Variants in UBXN2A observed in about 807,000 individuals in gnomAD.
UBXN2A encodes UBX domain protein 2A, also known as UBX domain-containing protein 2A.
In UBXN2A, 28 loss-of-function variants were observed where a neutral mutation model predicts 28.4. The observed-to-expected ratio is 0.99, with a 90% CI of 0.73 to 1.35. The LOEUF is 1.35. Ranked by LOEUF, UBXN2A falls within the 40% of genes most tolerant of loss-of-function variation. The pLI, the probability that UBXN2A is intolerant of heterozygous loss-of-function variation, is 0.00. For synonymous variants in UBXN2A, 97 were observed against 103.6 expected (o/e 0.94, Z 0.39); for missense variants, 253 against 297.9 (o/e 0.85, Z 1.11).
chr2:23,945,488 G>T (rs1488266928), intron 1 of UBXN2A, among the ~76,000 whole-genome samples: 1 of 152,116 alleles, frequency 6.6e-6, no homozygotes, highest in Non-Finnish European at 1.5e-5. Context: ...GGTTGCTTTT[G>T]GAGGCTTGGG....
chr2:23,927,506 A>G (rs2150771006), exon 1 of UBXN2A: 1 of 152,768 alleles, frequency 6.5e-6, no homozygotes, highest in East Asian at 1.9e-4. Flanking sequence ...GGGAATCCCC[A>G]AGCTACCCGA....
intron 2 of UBXN2A, among the ~76,000 whole-genome samples, chr2:23,961,330 A>G (rs1175965760): frequency 2.0e-5 from 3 of 151,788 alleles, no homozygotes; most frequent in African/African-American, 7.3e-5. Context: ...TCCTGACCTC[A>G]GGTGATCCGC....
At chr2:23,958,899 G>A (rs1003408175) in intron 2 of UBXN2A, among the ~76,000 whole-genome samples, 3 of 152,078 alleles carry the variant, frequency 2.0e-5, no homozygotes, top group African/African-American at 7.2e-5. Flanking sequence ...AGAGTGCAGT[G>A]GTGCAATCAT....
chr2:23,934,379 A>G (rs2150785107), intron 1 of UBXN2A, among the ~76,000 whole-genome samples: 1 of 152,358 alleles, frequency 6.6e-6, no homozygotes, highest in East Asian at 1.9e-4. Flanking sequence ...TGTGTTGGAC[A>G]ATGCAGAAAC....
intron 2 of UBXN2A, among the ~76,000 whole-genome samples, chr2:23,963,485 AAG>A (rs1707028401): frequency 6.6e-6 from 1 of 151,884 alleles, no homozygotes; most frequent in African/African-American, 2.4e-5. Flanking sequence ...AAAAAAAAAA[AAG>A]AGAAAAGTGG....
At chr2:23,986,994 G>A (rs967565922) in intron 6 of UBXN2A, among the ~76,000 whole-genome samples, 1 of 151,992 alleles carries the variant, frequency 6.6e-6, no homozygotes, top group Non-Finnish European at 1.5e-5. Context: ...TCAGGAGGCT[G>A]AGGTGGGAGA....
chr2:23,932,607 C>T (rs1705404088), intron 1 of UBXN2A, among the ~76,000 whole-genome samples: 1 of 152,074 alleles, frequency 6.6e-6, no homozygotes, highest in African/African-American at 2.4e-5. Flanking sequence ...CACTGATCAA[C>T]AGGTTTACAG....
At chr2:23,944,347 T>C in intron 1 of UBXN2A, 1 of 1,572,070 alleles carries the variant, frequency 6.4e-7, no homozygotes, top group Admixed American at 1.7e-5. Flanking sequence ...CTGGCAGCTG[T>C]GTGAAGAACT....
At chr2:23,978,203 TA>T (rs1478490034) in intron 4 of UBXN2A, among the ~76,000 whole-genome samples, 2 of 152,228 alleles carry the variant, frequency 1.3e-5, no homozygotes, top group African/African-American at 2.4e-5. Flanking sequence ...TAATTTACTT[TA>T]CTAAGTATTT....
chr2:23,960,980 A>T (rs768296575), intron 2 of UBXN2A, among the ~76,000 whole-genome samples: 1 of 151,862 alleles, frequency 6.6e-6, no homozygotes, highest in Non-Finnish European at 1.5e-5. Context: ...GACATTTCAT[A>T]TAAATGCAGT....
chr2:23,965,893 C>T (rs1403708698), intron 2 of UBXN2A, among the ~76,000 whole-genome samples: 2 of 152,124 alleles, frequency 1.3e-5, no homozygotes, highest in African/African-American at 4.8e-5. Context: ...CCTTAGTATG[C>T]ATAAGCCTAT....
rs1221736980 is a variant in UBXN2A at position 23,977,044 on chromosome 2, A to G, written c.256A>G (p.Ser86Gly). The G allele has an allele frequency of 1.9e-6, 3 of 1,613,116 alleles. No homozygotes were observed. The East Asian group carries it at 6.7e-5, about 36-fold the overall frequency. Residue 86 changes from serine to glycine, a missense_variant, in exon 4 of 7, where the codon AGT becomes GGT. By Grantham distance (56) the Ser-to-Gly change is moderately conservative. Coordinates refer to ENST00000309033, the MANE Select transcript of UBXN2A (RefSeq NM_181713.4). ...TTTCAGAAGTTATTCCGATGGTGCC[A>G]GTCAGCAGTTTTTGAACTCCATCAA... ...DDFRSYSDGA[S>G]QQFLNSIKKG...
chr2:23,987,592 C>G (rs1301406046), intron 6 of UBXN2A, among the ~76,000 whole-genome samples: 3 of 151,084 alleles, frequency 2.0e-5, no homozygotes, highest in Non-Finnish European at 4.4e-5. Flanking sequence ...TCCTGGCAAG[C>G]ACGGTGAAAC....
At chr2:23,973,114 G>A (rs1457402483) in intron 3 of UBXN2A, among the ~76,000 whole-genome samples, 1 of 151,892 alleles carries the variant, frequency 6.6e-6, no homozygotes, top group African/African-American at 2.4e-5. Flanking sequence ...CTGTCTCCCA[G>A]GTTCAAGCCA....
chr2:23,967,762 G>A (rs11691864), intron 2 of UBXN2A, among the ~76,000 whole-genome samples: 7,494 of 152,222 alleles, frequency 0.049, 249 homozygotes, highest in Non-Finnish European at 0.074. Context: ...AACTATTTCT[G>A]TGTAAGAGGT....
intron 1 of UBXN2A, among the ~76,000 whole-genome samples, chr2:23,932,381 T>G (rs750297126): frequency 1.3e-5 from 2 of 151,508 alleles, no homozygotes; most frequent in Non-Finnish European, 2.9e-5. Flanking sequence ...TAAAATCTGC[T>G]AAATATATGG....
rs532199457 is a variant in UBXN2A at position 23,966,686 on chromosome 2, T to C, written c.42-4590T>C. 6.6e-3 allele frequency among the ~76,000 whole-genome samples: 954 copies of C among 145,220 alleles called. 5 individuals carry two copies. The highest frequency in any genetic ancestry group is 0.025 in the South Asian group (113 of 4,548). On this transcript the variant is annotated intron_variant, in intron 2 of 6. Transcript: ENST00000309033. ...CAGGATGGTCTCGATCTCCTGACCT[T>C]GTGATCCGCCCACCTTGGCCTCCCA...
chr2:23,986,863 C>T (rs977213099), intron 6 of UBXN2A, among the ~76,000 whole-genome samples: 2 of 152,162 alleles, frequency 1.3e-5, no homozygotes, highest in Non-Finnish European at 2.9e-5. Context: ...CCACCTCGGC[C>T]TCCCAAGGTG....
At chr2:23,949,999 C>CCCCCCACCCCCA (rs537739892) in intron 1 of UBXN2A, among the ~76,000 whole-genome samples, 1 of 128,818 alleles carries the variant, frequency 7.8e-6, no homozygotes, top group South Asian at 2.6e-4. Context: ...TTCTCATCAT[C>CCCCCCACCCCCA]CCCCCACCCC....
Sources: gnomAD v4.1 joint callset for allele counts (sites outside exome capture counted in the v4.1 genomes callset) on GRCh38, gnomAD v4.1.1 for gene constraint, MANE v1.5 for transcripts, NCBI Gene and HGNC (gene_info 2026-07-23, HGNC 2026-07-21) for gene names.